Variants in PHF20 observed in about 807,000 individuals in gnomAD.
The protein encoded by PHF20 is PHD finger protein 20.
Under a neutral mutation model 113.5 loss-of-function variants are expected in PHF20, and 23 were observed. The ratio of observed to expected loss-of-function variants is 0.20; its 90% confidence interval spans 0.15 to 0.29. The LOEUF (loss-of-function observed/expected upper bound fraction) is 0.29, where lower values mean the gene tolerates loss of function less well. Ranked by LOEUF, PHF20 falls within the 10% of genes least tolerant of loss-of-function variation. The probability of loss-of-function intolerance (pLI) is 1.00; values close to 1 mark genes in which losing one functional copy is unlikely to be tolerated. For synonymous variants in PHF20, 434 were observed against 457.3 expected (o/e 0.95, Z 0.65); for missense variants, 943 against 1,219.6 (o/e 0.77, Z 3.38).
intron 2 of PHF20, among the ~76,000 whole-genome samples, chr20:35,821,496 CAAA>C (rs145842439): frequency 2.6e-5 from 2 of 78,130 alleles, no homozygotes. Flanking sequence ...ACCAAAAATA[CAAA>C]AAAAAAAAAA....
intron 10 of PHF20, among the ~76,000 whole-genome samples, chr20:35,903,783 A>G (rs535163128): frequency 5.9e-5 from 9 of 152,284 alleles, no homozygotes; most frequent in African/African-American, 2.2e-4. Context: ...GGCTCAGTAG[A>G]CATGTTCAGT....
intron 1 of PHF20, among the ~76,000 whole-genome samples, chr20:35,797,841 G>A (rs1486166198): frequency 6.6e-6 from 1 of 151,500 alleles, no homozygotes; most frequent in African/African-American, 2.4e-5. Flanking sequence ...TAGTAGAGAC[G>A]GGGTTTCACC....
At chr20:35,816,529 A>C (rs1265367717) in intron 2 of PHF20, among the ~76,000 whole-genome samples, 2 of 150,706 alleles carry the variant, frequency 1.3e-5, no homozygotes, top group African/African-American at 2.4e-5. Context: ...CGGTCACTGC[A>C]ACCTCTGCCT....
intron 12 of PHF20, among the ~76,000 whole-genome samples, chr20:35,916,446 C>A (rs965824253): frequency 1.3e-5 from 2 of 152,172 alleles, no homozygotes; most frequent in Non-Finnish European, 2.9e-5. Flanking sequence ...TTCCTCATTC[C>A]TCACTGTCTA....
intron 2 of PHF20, among the ~76,000 whole-genome samples, chr20:35,817,105 G>T (rs1039022209): frequency 9.5e-5 from 14 of 147,168 alleles, no homozygotes; most frequent in Non-Finnish European, 2.1e-4. Flanking sequence ...TGTTGTTGTT[G>T]TTTTTTTTTA....
chr20:35,878,648 G>A (rs2054573342), intron 9 of PHF20: 1 of 789,046 alleles, frequency 1.3e-6, no homozygotes, highest in Middle Eastern at 3.5e-4. Flanking sequence ...GATCCACATG[G>A]GTGTGGCAGC....
At chr20:35,878,793 T>C (rs1043773708) in intron 9 of PHF20, 5 of 675,686 alleles carry the variant, frequency 7.4e-6, no homozygotes, top group Non-Finnish European at 1.3e-5. Context: ...CGTCTCATTA[T>C]TGAAGTTACG....
chr20:35,875,474 C>T (rs2054504449), intron 9 of PHF20, among the ~76,000 whole-genome samples: 1 of 151,788 alleles, frequency 6.6e-6, no homozygotes, highest in Non-Finnish European at 1.5e-5. Context: ...TCTCTTAGTT[C>T]TCTGTCTAGC....
chr20:35,855,378 G>T, intron 4 of PHF20: 1 of 456,868 alleles, frequency 2.2e-6, no homozygotes, highest in Non-Finnish European at 3.5e-6. Context: ...TTTTATCATA[G>T]CCTGTTCATC....
intron 4 of PHF20, among the ~76,000 whole-genome samples, chr20:35,857,165 A>G (rs905103723): frequency 1.3e-5 from 2 of 152,348 alleles, no homozygotes; most frequent in Admixed American, 1.3e-4. Context: ...CCAATGGTTT[A>G]CTGAATCTTG....
intron 1 of PHF20, among the ~76,000 whole-genome samples, chr20:35,783,549 T>G (rs182810192): frequency 6.6e-6 from 1 of 152,170 alleles, no homozygotes; most frequent in East Asian, 1.9e-4. Flanking sequence ...CGTGAGTAGT[T>G]GGGACTACAG....
At chr20:35,879,866 G>T (rs1461422007) in intron 9 of PHF20, among the ~76,000 whole-genome samples, 2 of 151,884 alleles carry the variant, frequency 1.3e-5, no homozygotes, top group Admixed American at 1.3e-4. Context: ...GCATGTGCGT[G>T]TAATCCCAGC....
intron 7 of PHF20, 121 bp from the exon 8 acceptor site, chr20:35,870,834 C>A (rs1413602000): frequency 2.0e-5 from 13 of 636,350 alleles, no homozygotes; most frequent in Non-Finnish European, 2.9e-5. Context: ...TATCACTACT[C>A]TAACATTCCA....
chr20:35,932,500 G>A (rs1159630595), intron 15 of PHF20, among the ~76,000 whole-genome samples: 3 of 137,960 alleles, frequency 2.2e-5, no homozygotes, highest in Non-Finnish European at 3.0e-5. Flanking sequence ...GTGTGATCTC[G>A]GCTCACTGCA....
intron 2 of PHF20, among the ~76,000 whole-genome samples, chr20:35,830,913 C>G (rs77163681): frequency 0.034 from 5,095 of 152,040 alleles, 137 homozygotes; most frequent in Non-Finnish European, 0.049. Flanking sequence ...CTTTTTATAA[C>G]CCAGCTTTGG....
intron 1 of PHF20, among the ~76,000 whole-genome samples, chr20:35,780,728 A>T (rs895216259): frequency 1.4e-5 from 2 of 145,856 alleles, no homozygotes; most frequent in African/African-American, 5.1e-5. Flanking sequence ...TTATATTTTT[A>T]GTAGAGACGG....
At chr20:35,941,225 A>G (rs576502142) in intron 17 of PHF20, among the ~76,000 whole-genome samples, 178 bp downstream of exon 17, 6 of 152,248 alleles carry the variant, frequency 3.9e-5, no homozygotes, top group Non-Finnish European at 2.9e-5. Context: ...TACTTTTAGT[A>G]TTTATCAGGT....
intron 4 of PHF20, 46 bp downstream of exon 4, chr20:35,847,480 T>A: frequency 8.6e-7 from 1 of 1,157,036 alleles, no homozygotes; most frequent in Non-Finnish European, 1.3e-6. Context: ...ACTTAGGTGG[T>A]GGGGGGGGAT....
At chr20:35,874,246 G>A (rs2054477869) in intron 9 of PHF20, among the ~76,000 whole-genome samples, 1 of 152,206 alleles carries the variant, frequency 6.6e-6, no homozygotes, top group Non-Finnish European at 1.5e-5. Context: ...AAAGTACTGT[G>A]ATTATAGGCG....
Sources: gnomAD v4.1 joint callset for allele counts (sites outside exome capture counted in the v4.1 genomes callset) on GRCh38, gnomAD v4.1.1 for gene constraint, MANE v1.5 for transcripts, NCBI Gene and HGNC (gene_info 2026-07-23, HGNC 2026-07-21) for gene names.